GRK3: variants seen among roughly 807,000 people sequenced by gnomAD.
GRK3 encodes G protein-coupled receptor kinase 3, also known as adrenergic, beta, receptor kinase 2.
GRK3 carries 54 observed loss-of-function variants against 95.7 expected under a neutral mutation model. That is an observed-to-expected ratio of 0.56 (90% CI 0.45 to 0.71). The LOEUF is 0.71. Ranked by LOEUF, GRK3 falls within the 30% of genes least tolerant of loss-of-function variation. GRK3 has a pLI of 0.00. For missense variants in GRK3, 649 were observed against 851.2 expected, an observed-to-expected ratio of 0.76 and a Z score of 2.96; for synonymous variants, 281 against 290.8, an observed-to-expected ratio of 0.97 and a Z score of 0.34.
At chr22:25,707,567 T>C (rs539977477) in intron 15 of GRK3, among the ~76,000 whole-genome samples, 6 of 152,306 alleles carry the variant, frequency 3.9e-5, no homozygotes, top group African/African-American at 1.2e-4. Context: ...AGTACCTGTG[T>C]GGAGGACGAG....
At position 25,604,612 on chromosome 22, in the gene GRK3, A is replaced by G. The variant is rs542157098; in HGVS notation, c.190+159A>G. Among the ~76,000 whole-genome samples the G allele has an allele frequency of 2.9e-3, 437 of 152,340 alleles. 2 individuals are homozygous for G. The highest frequency in any genetic ancestry group is 3.4e-3 in the Non-Finnish European group (230 of 68,030). On this transcript the variant is annotated intron_variant, in intron 2 of 20. Transcript: ENST00000324198. Reference sequence around the variant, plus strand: ...GTAATTAATAAGGTATTTAATGATGACTTACATTCCTAGTAACATATTCTA... The same window carrying G: ...GTAATTAATAAGGTATTTAATGATGGCTTACATTCCTAGTAACATATTCTA...
chr22:25,571,384 G>A (rs1208280968), intron 1 of GRK3, among the ~76,000 whole-genome samples: 1 of 152,062 alleles, frequency 6.6e-6, no homozygotes, highest in Admixed American at 6.5e-5. Context: ...ATTGTATAAT[G>A]TCCCAATAAA....
At chr22:25,619,986 C>G (rs974207685) in intron 2 of GRK3, among the ~76,000 whole-genome samples, 3 of 149,488 alleles carry the variant, frequency 2.0e-5, no homozygotes, top group Admixed American at 6.7e-5. Flanking sequence ...TTCCTTTACT[C>G]TTCCTTTCCT....
intron 3 of GRK3, chr22:25,648,395 T>C: frequency 7.7e-7 from 1 of 1,295,730 alleles, no homozygotes; most frequent in Non-Finnish European, 1.1e-6. Flanking sequence ...AGATTCAAGG[T>C]CTAGCAAAAG....
intron 14 of GRK3, 137 bp downstream of exon 14, chr22:25,703,713 C>T (rs1011124943): frequency 4.9e-5 from 31 of 628,376 alleles, no homozygotes; most frequent in Middle Eastern, 3.3e-4. Flanking sequence ...AATTTGCTTT[C>T]TTGAAACAAA....
At position 25,710,722 on chromosome 22, in the gene GRK3, G is replaced by A. The variant is rs181294765; in HGVS notation, c.1396-346G>A. Among the ~76,000 whole-genome samples the A allele has an allele frequency of 2.8e-3, 433 of 152,272 alleles. 3 individuals are homozygous for A. The highest frequency in any genetic ancestry group is 4.2e-3 in the Non-Finnish European group (284 of 68,024). On this transcript the variant is annotated intron_variant, in intron 16 of 20. Transcript: ENST00000324198. The stretch of plus-strand genomic sequence containing the variant: ...AGGCCCCATTGTCTGTTGTGGCTCC[G>A]GCAACCCAAAGGTGGTGTTGCGTCC...
At chr22:25,581,541 G>A (rs1932100177) in intron 1 of GRK3, among the ~76,000 whole-genome samples, 1 of 152,142 alleles carries the variant, frequency 6.6e-6, no homozygotes, top group African/African-American at 2.4e-5. Flanking sequence ...CAAAGATGCG[G>A]GTAGAGTTTT....
At chr22:25,700,700 G>T (rs929104560) in intron 13 of GRK3, among the ~76,000 whole-genome samples, 1 of 152,052 alleles carries the variant, frequency 6.6e-6, no homozygotes, top group Non-Finnish European at 1.5e-5. Flanking sequence ...CCATTCTCCT[G>T]CCTCAGCCTC....
Position 25,667,721 on chromosome 22 carries a change from C to T in GRK3, c.442-18C>T. 2 of 1,592,076 alleles carry T rather than the reference C, an allele frequency of 1.3e-6. No individual in the cohort carries two copies. The highest frequency in any genetic ancestry group is 1.7e-6 in the Non-Finnish European group (2 of 1,163,440). On this transcript the variant is annotated intron_variant, in intron 5 of 20. Transcript: ENST00000324198. ...TTCCGATTCATTCACCGTGGAATTT[C>T]TTTTCCATCTCTTCCAGCCATACAT...
At chr22:25,671,255 GCGTGAA>G (rs1289750335) in intron 6 of GRK3, among the ~76,000 whole-genome samples, 7 of 152,116 alleles carry the variant, frequency 4.6e-5, no homozygotes, top group Non-Finnish European at 8.8e-5. Context: ...CAGAAGAATG[GCGTGAA>G]CCCGGGAGGC....
rs182719978 is a variant in GRK3, at chr22:25,570,724, C to T, written c.113+5571C>T. ...AAATGGGACTGGATATCCCGGCCCC[C>T]CTCTGCTTCTCCTGTGTCTTACTTT... On this transcript the variant is annotated intron_variant, in intron 1 of 20. Coordinates refer to ENST00000324198, the MANE Select transcript of GRK3 (RefSeq NM_005160.4). Among the ~76,000 whole-genome samples, 14 of 152,290 alleles carry T rather than the reference C, an allele frequency of 9.2e-5. No homozygotes were observed. The East Asian group carries it at 2.7e-3, about 29-fold the overall frequency.
intron 9 of GRK3, among the ~76,000 whole-genome samples, chr22:25,681,088 C>T (rs983354632): frequency 2.6e-5 from 4 of 152,160 alleles, no homozygotes; most frequent in East Asian, 3.9e-4. Flanking sequence ...CCAGCATAAG[C>T]GTGTCCACAG....
At position 25,728,040 on chromosome 22, in the gene GRK3, G is replaced by A. The variant is rs1267706935; in HGVS notation, c.*5590G>A. ...ACAAAGGCATTTTATATTATTTATT[G>A]AATCCATAAGTTTGTTTTCGTCAAA... On this transcript the variant is annotated 3_prime_UTR_variant, in exon 21 of 21. Coordinates refer to ENST00000324198, the MANE Select transcript of GRK3 (RefSeq NM_005160.4). 1 of 152,038 alleles carries A rather than the reference G, an allele frequency of 6.6e-6. No homozygotes were observed. Among genetic ancestry groups the A allele is most frequent in the East Asian group, 1.9e-4 (1 of 5,198 alleles). 9.4% of individuals were successfully genotyped at this position (152,038 alleles called of 1,614,324 possible).
chr22:25,671,420 T>C (rs911910678), intron 6 of GRK3, among the ~76,000 whole-genome samples: 3 of 152,244 alleles, frequency 2.0e-5, no homozygotes, highest in African/African-American at 7.2e-5. Flanking sequence ...AATGTCTTTG[T>C]TAAATAGATA....
rs751800954 is a variant in GRK3 at position 25,674,411 on chromosome 22, T to A, written c.556-26T>A. The stretch of plus-strand genomic sequence containing the variant: ...ACCATAGCTTTGTGTAATCTTATGT[T>A]TTCATTTTGTGTTTGGATTTCCCAG... On this transcript the variant is annotated intron_variant, in intron 7 of 20. Coordinates refer to ENST00000324198, the MANE Select transcript of GRK3 (RefSeq NM_005160.4). 6 of 1,566,316 alleles carry A rather than the reference T, an allele frequency of 3.8e-6. No individual in the cohort carries two copies. In the African/African-American group the frequency reaches 6.8e-5, roughly 18 times the overall value.
chr22:25,711,796 C>A (rs2085346019), intron 17 of GRK3, among the ~76,000 whole-genome samples: 1 of 152,130 alleles, frequency 6.6e-6, no homozygotes. Context: ...TACCCCCTGC[C>A]CCCGGGCCTT....
Position 25,565,128 on chromosome 22 carries a change from A to T in GRK3, c.88A>T (p.Lys30Ter). Residue 30 changes from lysine (K) to a stop codon, truncating the protein, a stop_gained, in exon 1 of 21, where the codon AAG becomes TAG. Transcript: ENST00000324198. LOFTEE classifies it high-confidence loss of function. ...GGCGACCCCGGCCGCCCGCGCCAGCAAGAGGATCGTCCTGCCGGAGCCCAG... is the reference window on the plus strand; with the variant it reads ...GGCGACCCCGGCCGCCCGCGCCAGCTAGAGGATCGTCCTGCCGGAGCCCAG... ...SKATPAARAS[K>*]RIVLPEPSIR... 6.5e-7 allele frequency: 1 copy of T among 1,547,546 alleles called. No individual in the cohort carries two copies. Among genetic ancestry groups the T allele is most frequent in the Non-Finnish European group, 8.7e-7 (1 of 1,150,572 alleles).
chr22:25,633,012 G>A (rs1035815585), intron 2 of GRK3, among the ~76,000 whole-genome samples: 4 of 152,098 alleles, frequency 2.6e-5, no homozygotes, highest in African/African-American at 4.8e-5. Flanking sequence ...CCAGGTTCAA[G>A]TGATTCTCCT....
rs1021850132 is a variant in GRK3 at position 25,612,948 on chromosome 22, A to C, written c.190+8495A>C. Among the ~76,000 whole-genome samples the C allele has an allele frequency of 3.9e-5, 6 of 152,264 alleles. No individual in the cohort carries two copies. In the South Asian group the frequency reaches 6.2e-4, roughly 16 times the overall value. On this transcript the variant is annotated intron_variant, in intron 2 of 20. Transcript: ENST00000324198. The stretch of plus-strand genomic sequence containing the variant: ...AAAAATTTGGTAATTATTAAAAAAA[A>C]CCCCAAAATACTAAAAAACAAACTA...
Sources: allele counts gnomAD v4.1 joint callset (sites outside exome capture counted in the v4.1 genomes callset), GRCh38; gene constraint gnomAD v4.1.1; transcripts MANE v1.5; gene names NCBI Gene and HGNC (gene_info 2026-07-23, HGNC 2026-07-21).